Variants in TBC1D4 observed in about 807,000 individuals in gnomAD.
TBC1D4 encodes TBC1 domain family member 4.
A neutral mutation model predicts 142.5 loss-of-function variants in TBC1D4; 121 were observed. The ratio of observed to expected loss-of-function variants is 0.85; its 90% CI spans 0.73 to 0.99. The LOEUF (loss-of-function observed/expected upper bound fraction) is 0.99. TBC1D4 is among the 50% of genes least tolerant of loss of function. The pLI, the probability that TBC1D4 is intolerant of heterozygous loss-of-function variation, is 0.00. For synonymous variants in TBC1D4, 630 were observed against 628.2 expected (o/e 1.00, Z -0.04); for missense variants, 1,475 against 1,606.6 (o/e 0.92, Z 1.40).
intron 19 of TBC1D4, among the ~76,000 whole-genome samples, chr13:75,289,311 G>A (rs910127931): frequency 1.3e-5 from 2 of 152,004 alleles, no homozygotes; most frequent in Non-Finnish European, 2.9e-5. Context: ...AAAACAGATA[G>A]CTCTTTCTGT....
intron 1 of TBC1D4, among the ~76,000 whole-genome samples, chr13:75,409,216 A>G (rs373398258): frequency 3.3e-5 from 5 of 152,226 alleles, no homozygotes; most frequent in East Asian, 3.8e-4. Flanking sequence ...CTAGAAATGT[A>G]TATACCAGAA....
intron 1 of TBC1D4, among the ~76,000 whole-genome samples, chr13:75,397,661 T>A (rs557905345): frequency 1.3e-5 from 2 of 152,314 alleles, no homozygotes; most frequent in Admixed American, 1.3e-4. Context: ...GTTTTTCATT[T>A]GTTTGTTTTG....
intron 18 of TBC1D4, 25 bp from the exon 19 acceptor site, chr13:75,292,296 T>C (rs1875392763): frequency 6.3e-7 from 1 of 1,588,914 alleles, no homozygotes; most frequent in Non-Finnish European, 8.6e-7. Context: ...ATAATTTTCA[T>C]GATCAAAACT....
chr13:75,397,465 G>A (rs13378548), intron 1 of TBC1D4, among the ~76,000 whole-genome samples: 17,770 of 152,194 alleles, frequency 0.12, 1,305 homozygotes, highest in East Asian at 0.21. Flanking sequence ...CTCTGTAGCT[G>A]AAAAAGAGAA....
At chr13:75,357,638 A>G (rs937659437) in intron 3 of TBC1D4, among the ~76,000 whole-genome samples, 20 of 152,224 alleles carry the variant, frequency 1.3e-4, no homozygotes, top group African/African-American at 4.8e-4. Flanking sequence ...AAAGAAAACC[A>G]TTCCCGTAGT....
intron 1 of TBC1D4, among the ~76,000 whole-genome samples, chr13:75,387,023 C>G (rs927623700): frequency 2.6e-5 from 4 of 151,954 alleles, no homozygotes; most frequent in African/African-American, 9.7e-5. Flanking sequence ...ATGGTTTGAT[C>G]TATCAATATT....
At chr13:75,292,939 G>C (rs989790594) in intron 18 of TBC1D4, among the ~76,000 whole-genome samples, 2 of 152,160 alleles carry the variant, frequency 1.3e-5, no homozygotes, top group African/African-American at 4.8e-5. Flanking sequence ...TGGATGGCTT[G>C]AGGCTAGGAG....
intron 1 of TBC1D4, among the ~76,000 whole-genome samples, chr13:75,396,342 C>A (rs1487479495): frequency 1.3e-5 from 2 of 152,184 alleles, no homozygotes; most frequent in African/African-American, 4.8e-5. Flanking sequence ...TTAAAAAGCA[C>A]CACTAGCCAA....
chr13:75,436,367 C>T (rs564887541), intron 1 of TBC1D4, among the ~76,000 whole-genome samples: 1 of 152,160 alleles, frequency 6.6e-6, no homozygotes, highest in South Asian at 2.1e-4. Context: ...TCAAAAACTA[C>T]CATTTCAGGC....
chr13:75,290,517 A>G (rs916419922), intron 19 of TBC1D4, among the ~76,000 whole-genome samples: 2 of 152,188 alleles, frequency 1.3e-5, no homozygotes, highest in African/African-American at 2.4e-5. Flanking sequence ...AATCTCTAAA[A>G]GCATAATATC....
At chr13:75,329,095 C>A (rs1879522126) in intron 8 of TBC1D4, among the ~76,000 whole-genome samples, 1 of 152,164 alleles carries the variant, frequency 6.6e-6, no homozygotes, top group East Asian at 1.9e-4. Context: ...TCATTATATA[C>A]CCAGTTCCAC....
chr13:75,353,182 A>G (rs556981725), intron 4 of TBC1D4, among the ~76,000 whole-genome samples: 1 of 152,346 alleles, frequency 6.6e-6, no homozygotes, highest in South Asian at 2.1e-4. Context: ...GGAAAAATGC[A>G]GCATGTTCCC....
rs1325526649 is a variant in TBC1D4, at chr13:75,285,689, T to C, written c.*1103A>G. On this transcript the variant is annotated 3_prime_UTR_variant, in exon 21 of 21. Transcript: ENST00000377636. ...AAACATTTCACAGTTCTCAAAACTT[T>C]TCACATAAAAGGGGAAGATTATTAA... 1.3e-5 allele frequency: 2 copies of C among 152,650 alleles called. No individual in the cohort carries two copies. Among genetic ancestry groups the C allele is most frequent in the Non-Finnish European group, 2.9e-5 (2 of 68,052 alleles). 9.5% of individuals were successfully genotyped at this position (152,650 alleles called of 1,614,324 possible). A position where few individuals can be genotyped will look rare whatever the true frequency, so the allele number is the denominator to read the frequency against.
chr13:75,468,210 C>G (rs747672268), intron 1 of TBC1D4, among the ~76,000 whole-genome samples: 1 of 152,078 alleles, frequency 6.6e-6, no homozygotes, highest in Non-Finnish European at 1.5e-5. Flanking sequence ...GGGTCCAGAG[C>G]TTCAATTTCT....
chr13:75,395,629 G>A (rs1192847054), intron 1 of TBC1D4, among the ~76,000 whole-genome samples: 3 of 152,144 alleles, frequency 2.0e-5, no homozygotes, highest in South Asian at 2.1e-4. Flanking sequence ...TCAGGAGTTC[G>A]AGACCAGCCT....
At chr13:75,343,981 C>G (rs547977179) in intron 5 of TBC1D4, among the ~76,000 whole-genome samples, 1 of 152,228 alleles carries the variant, frequency 6.6e-6, no homozygotes, top group South Asian at 2.1e-4. Context: ...GCTGGGATTA[C>G]AGGTGCCCAC....
At chr13:75,302,172 A>G in intron 16 of TBC1D4, 71 bp downstream of exon 16, 1 of 1,602,462 alleles carries the variant, frequency 6.2e-7, no homozygotes, top group Non-Finnish European at 8.5e-7. Context: ...AGAACAAACA[A>G]AAACCAAAAA....
chr13:75,402,865 C>T (rs1039463419), intron 1 of TBC1D4, among the ~76,000 whole-genome samples: 1 of 152,076 alleles, frequency 6.6e-6, no homozygotes, highest in African/African-American at 2.4e-5. Context: ...GCACAAAAAG[C>T]AAAAATAGAG....
intron 1 of TBC1D4, among the ~76,000 whole-genome samples, chr13:75,451,808 C>T (rs1340806438): frequency 3.3e-5 from 5 of 149,956 alleles, no homozygotes; most frequent in African/African-American, 1.2e-4. Flanking sequence ...TATATGCATG[C>T]AATATATATT....
Sources: gnomAD v4.1 joint callset for allele counts (sites outside exome capture counted in the v4.1 genomes callset) on GRCh38, gnomAD v4.1.1 for gene constraint, MANE v1.5 for transcripts, NCBI Gene and HGNC (gene_info 2026-07-23, HGNC 2026-07-21) for gene names.